LRRC4C: variants seen among roughly 807,000 people sequenced by gnomAD.
LRRC4C encodes the protein leucine-rich repeat-containing protein 4C.
LRRC4C carries 5 observed loss-of-function variants against 33.6 expected under a neutral mutation model. That is an observed-to-expected ratio of 0.15 (90% CI 0.08 to 0.31). The LOEUF is 0.31. LRRC4C is among the 10% of genes least tolerant of loss of function. The pLI is 1.00. For synonymous variants in LRRC4C, 329 were observed against 302.0 expected (o/e 1.09, Z -0.93); for missense variants, 560 against 796.7 (o/e 0.70, Z 3.58).
At chr11:40,496,622 T>A (rs2138575744) in intron 3 of LRRC4C, among the ~76,000 whole-genome samples, 1 of 152,242 alleles carries the variant, frequency 6.6e-6, no homozygotes, top group Non-Finnish European at 1.5e-5. Flanking sequence ...CAATTTATGG[T>A]TGTCAATCAT....
intron 1 of LRRC4C, among the ~76,000 whole-genome samples, chr11:41,279,288 GA>G (rs1182156290): frequency 6.6e-6 from 1 of 151,424 alleles, no homozygotes; most frequent in Non-Finnish European, 1.5e-5. Context: ...TTTGTGTTTT[GA>G]AAGGCTTCCA....
chr11:40,326,302 G>T (rs1462119687), intron 3 of LRRC4C, among the ~76,000 whole-genome samples: 1 of 152,116 alleles, frequency 6.6e-6, no homozygotes, highest in Non-Finnish European at 1.5e-5. Context: ...AGTGGCTCAT[G>T]CCTGTAATCC....
chr11:41,387,753 G>A (rs1565632558), intron 1 of LRRC4C, among the ~76,000 whole-genome samples: 4 of 151,606 alleles, frequency 2.6e-5, no homozygotes, highest in East Asian at 3.9e-4. Flanking sequence ...GACACCACCC[G>A]ACACCCATAG....
At chr11:41,440,819 T>C (rs922603792) in intron 1 of LRRC4C, among the ~76,000 whole-genome samples, 18 of 152,212 alleles carry the variant, frequency 1.2e-4, no homozygotes, top group Non-Finnish European at 1.2e-4. Flanking sequence ...CCTGCCACCA[T>C]GTAAAATTGT....
intron 3 of LRRC4C, among the ~76,000 whole-genome samples, chr11:40,495,573 G>A (rs1954389318): frequency 6.6e-6 from 1 of 152,070 alleles, no homozygotes; most frequent in Non-Finnish European, 1.5e-5. Flanking sequence ...GAAGGAAGAA[G>A]ATGACCGTGA....
intron 1 of LRRC4C, among the ~76,000 whole-genome samples, chr11:40,948,565 T>C (rs532966241): frequency 1.5e-5 from 2 of 137,842 alleles, no homozygotes; most frequent in Non-Finnish European, 3.1e-5. Context: ...CCCCTTCCTG[T>C]GTCCATGTGT....
intron 2 of LRRC4C, among the ~76,000 whole-genome samples, chr11:40,895,964 A>T (rs1049584315): frequency 6.6e-6 from 1 of 152,140 alleles, no homozygotes; most frequent in Non-Finnish European, 1.5e-5. Context: ...AAATGAAGAA[A>T]GGCATAAAAT....
At chr11:40,803,399 T>C (rs775576835) in intron 2 of LRRC4C, among the ~76,000 whole-genome samples, 2 of 152,232 alleles carry the variant, frequency 1.3e-5, no homozygotes, top group African/African-American at 4.8e-5. Context: ...CAAAGAAACA[T>C]GGCTTAGATC....
chr11:40,221,758 T>A (rs1864434556), intron 5 of LRRC4C, among the ~76,000 whole-genome samples: 2 of 152,034 alleles, frequency 1.3e-5, no homozygotes, highest in African/African-American at 4.8e-5. Flanking sequence ...ACTGTGAAAA[T>A]CCCTATCCTG....
chr11:40,697,645 C>A (rs1171392454), intron 2 of LRRC4C, among the ~76,000 whole-genome samples: 1 of 152,094 alleles, frequency 6.6e-6, no homozygotes, highest in African/African-American at 2.4e-5. Flanking sequence ...TTAGAGTTAG[C>A]TTACTCCCTT....
At chr11:41,420,542 C>G (rs1446966852) in intron 1 of LRRC4C, among the ~76,000 whole-genome samples, 1 of 151,974 alleles carries the variant, frequency 6.6e-6, no homozygotes, top group Non-Finnish European at 1.5e-5. Context: ...GCATATTTTC[C>G]TTCCCCAAAC....
chr11:40,795,764 A>G (rs1299636264), intron 2 of LRRC4C, among the ~76,000 whole-genome samples: 1 of 152,176 alleles, frequency 6.6e-6, no homozygotes, highest in African/African-American at 2.4e-5. Flanking sequence ...AAAAATTTCA[A>G]AAGATGTAAG....
intron 1 of LRRC4C, among the ~76,000 whole-genome samples, chr11:41,105,434 G>A (rs1941438258): frequency 6.6e-6 from 1 of 151,786 alleles, no homozygotes; most frequent in African/African-American, 2.4e-5. Context: ...TTATCTTCTG[G>A]TCTGCTCTTT....
intron 1 of LRRC4C, among the ~76,000 whole-genome samples, chr11:41,416,947 G>C (rs1305690060): frequency 2.0e-5 from 3 of 151,850 alleles, no homozygotes; most frequent in Non-Finnish European, 4.4e-5. Context: ...TTTCCCAGTA[G>C]CACACATTTC....
At chr11:40,870,428 A>G (rs1954580511) in intron 2 of LRRC4C, among the ~76,000 whole-genome samples, 1 of 152,092 alleles carries the variant, frequency 6.6e-6, no homozygotes, top group Non-Finnish European at 1.5e-5. Flanking sequence ...TACAAGTTCA[A>G]CTTTCTCATA....
At chr11:40,523,747 C>T (rs1343889886) in intron 3 of LRRC4C, among the ~76,000 whole-genome samples, 2 of 152,024 alleles carry the variant, frequency 1.3e-5, no homozygotes, top group Non-Finnish European at 2.9e-5. Context: ...TTTCAATTCT[C>T]CCTTTGGAAA....
intron 1 of LRRC4C, among the ~76,000 whole-genome samples, chr11:40,946,945 G>T (rs1958431608): frequency 6.6e-6 from 1 of 152,060 alleles, no homozygotes; most frequent in African/African-American, 2.4e-5. Flanking sequence ...AATAAAAATA[G>T]AAATCAATAC....
At chr11:40,483,745 T>C (rs968592599) in intron 3 of LRRC4C, among the ~76,000 whole-genome samples, 3 of 150,632 alleles carry the variant, frequency 2.0e-5, no homozygotes, top group Non-Finnish European at 3.0e-5. Context: ...TTAAATGTAA[T>C]TTAATGTAGA....
chr11:40,349,223 CT>C (rs1391751675), intron 3 of LRRC4C, among the ~76,000 whole-genome samples: 1 of 152,104 alleles, frequency 6.6e-6, no homozygotes, highest in Non-Finnish European at 1.5e-5. Flanking sequence ...CACAAATACC[CT>C]TCCCAGACTC....
Sources: gnomAD v4.1 joint callset for allele counts (sites outside exome capture counted in the v4.1 genomes callset) on GRCh38, gnomAD v4.1.1 for gene constraint, MANE v1.5 for transcripts, NCBI Gene and HGNC (gene_info 2026-07-23, HGNC 2026-07-21) for gene names.